CNBD1: variants seen among roughly 807,000 people sequenced by gnomAD.
The protein encoded by CNBD1 is cyclic nucleotide-binding domain-containing protein 1.
Under a neutral mutation model 54.4 loss-of-function variants are expected in CNBD1, and 71 were observed. That is an observed-to-expected ratio of 1.30 (90% CI 1.08 to 1.59). The LOEUF (loss-of-function observed/expected upper bound fraction) is 1.59. Ranked by LOEUF, CNBD1 falls within the 40% of genes most tolerant of loss-of-function variation. The pLI, the probability that CNBD1 is intolerant of heterozygous loss-of-function variation, is 0.00. For synonymous variants in CNBD1, 182 were observed against 170.7 expected, an observed-to-expected ratio of 1.07 and a Z score of -0.51; for missense variants, 659 against 518.0, an observed-to-expected ratio of 1.27 and a Z score of -2.64.
chr8:86,927,402 AG>A (rs1386193871), intron 3 of CNBD1, among the ~76,000 whole-genome samples: 3 of 152,128 alleles, frequency 2.0e-5, no homozygotes, highest in African/African-American at 7.2e-5. Context: ...TTTGTTAAAC[AG>A]GGAGAAGGTG....
In CNBD1 at chr8:87,284,693, A is replaced by G; in HGVS notation, c.787A>G (p.Thr263Ala). 6.2e-7 allele frequency: 1 copy of G among 1,603,654 alleles called. No individual in the cohort carries two copies. The highest frequency in any genetic ancestry group is 8.5e-7 in the Non-Finnish European group (1 of 1,175,786). The change falls in exon 7 of 11, where the codon ACC becomes GCC. Residue 263 changes from threonine to alanine, a missense_variant. Physicochemically the swap from Thr to Ala is moderately conservative, Grantham distance 58. Coordinates refer to ENST00000518476, the MANE Select transcript of CNBD1 (RefSeq NM_173538.3). ...SYDSMLSKWS[T>A]FGTLEVMPQN... is the part of the protein sequence containing the mutation. ...ATTTTTACAGCTTAGCAAATGGAGT[A>G]CCTTTGGGACTCTGGAAGTTATGCC... is the stretch of plus-strand genomic sequence containing the variant.
intron 2 of CNBD1, among the ~76,000 whole-genome samples, chr8:86,894,635 A>G (rs1808823900): frequency 1.3e-5 from 2 of 152,310 alleles, no homozygotes; most frequent in Non-Finnish European, 1.5e-5. Flanking sequence ...CGTGTGTTCA[A>G]TGTTACAGAA....
intron 2 of CNBD1, among the ~76,000 whole-genome samples, chr8:87,396,906 A>C: frequency 7.8e-6 from 1 of 128,712 alleles, no homozygotes; most frequent in East Asian, 2.1e-4. Context: ...TTTTTTTTTC[A>C]AGTAGTTCTT....
chr8:86,904,762 G>A (rs551678335), intron 2 of CNBD1, among the ~76,000 whole-genome samples: 1 of 151,842 alleles, frequency 6.6e-6, no homozygotes, highest in Non-Finnish European at 1.5e-5. Flanking sequence ...ATAATTTCAG[G>A]GGGATTTTAA....
At chr8:87,280,224 T>A (rs1431989657) in intron 6 of CNBD1, among the ~76,000 whole-genome samples, 1 of 151,578 alleles carries the variant, frequency 6.6e-6, no homozygotes, top group Non-Finnish European at 1.5e-5. Context: ...TTTCTTATCA[T>A]GGTTTGGTTT....
At chr8:86,903,201 CATCTTGGAA>C (rs1269623565) in intron 2 of CNBD1, among the ~76,000 whole-genome samples, 4 of 152,060 alleles carry the variant, frequency 2.6e-5, no homozygotes, top group Admixed American at 2.6e-4. Flanking sequence ...TTACCCACCA[CATCTTGGAA>C]ATTCTTGAGA....
chr8:87,106,520 T>A (rs752594609), intron 4 of CNBD1, among the ~76,000 whole-genome samples: 1 of 152,202 alleles, frequency 6.6e-6, no homozygotes, highest in Non-Finnish European at 1.5e-5. Flanking sequence ...CAATATTCGA[T>A]GTTTCTATAG....
intron 10 of CNBD1, among the ~76,000 whole-genome samples, chr8:87,371,250 T>G (rs1426257306): frequency 2.0e-5 from 3 of 151,990 alleles, no homozygotes; most frequent in Non-Finnish European, 2.9e-5. Flanking sequence ...AGTAGTTTTT[T>G]CCATTTCTGT....
chr8:87,310,426 G>T (rs1296712281), intron 8 of CNBD1, among the ~76,000 whole-genome samples: 1 of 152,032 alleles, frequency 6.6e-6, no homozygotes, highest in Admixed American at 6.6e-5. Flanking sequence ...AACCAAGGAG[G>T]TGAAAGAAAG....
At chr8:87,090,567 T>G (rs1811184662) in intron 4 of CNBD1, among the ~76,000 whole-genome samples, 1 of 152,214 alleles carries the variant, frequency 6.6e-6, no homozygotes, top group African/African-American at 2.4e-5. Flanking sequence ...AAAATTAATT[T>G]TAGTAGAAGA....
chr8:87,423,856 A>AT (rs1563596966), intron 2 of CNBD1, among the ~76,000 whole-genome samples: 1 of 152,224 alleles, frequency 6.6e-6, no homozygotes, highest in Non-Finnish European at 1.5e-5. Context: ...GAATGGTACC[A>AT]GTTCCTCCTT....
At chr8:87,022,019 T>TA (rs1161566363) in intron 4 of CNBD1, among the ~76,000 whole-genome samples, 1 of 152,218 alleles carries the variant, frequency 6.6e-6, no homozygotes, top group Non-Finnish European at 1.5e-5. Context: ...TTTGTGCATG[T>TA]AAATAGCATA....
chr8:87,303,083 T>A (rs1809047551), intron 8 of CNBD1, among the ~76,000 whole-genome samples: 1 of 152,014 alleles, frequency 6.6e-6, no homozygotes, highest in Non-Finnish European at 1.5e-5. Flanking sequence ...ATAGATTCAA[T>A]GCTATCCCCA....
At chr8:87,404,901 G>C (rs1312960220) in intron 2 of CNBD1, among the ~76,000 whole-genome samples, 1 of 151,930 alleles carries the variant, frequency 6.6e-6, no homozygotes, top group African/African-American at 2.4e-5. Flanking sequence ...CTTTGCTTCT[G>C]TATATATATT....
At chr8:87,426,338 C>T (rs1808050367) in intron 2 of CNBD1, among the ~76,000 whole-genome samples, 1 of 152,166 alleles carries the variant, frequency 6.6e-6, no homozygotes, top group Non-Finnish European at 1.5e-5. Flanking sequence ...CATCTTGGCT[C>T]TTCCCTGTTT....
At chr8:86,884,148 T>C (rs1307900237) in intron 1 of CNBD1, among the ~76,000 whole-genome samples, 4 of 149,974 alleles carry the variant, frequency 2.7e-5, no homozygotes, top group Admixed American at 2.7e-4. Context: ...CGAGACTCCG[T>C]CTCAAAACAA....
chr8:87,411,868 G>C (rs1807752028), intron 2 of CNBD1, among the ~76,000 whole-genome samples: 1 of 151,790 alleles, frequency 6.6e-6, no homozygotes, highest in Non-Finnish European at 1.5e-5. Context: ...ACCATGAAGG[G>C]AATAGAAACC....
intron 4 of CNBD1, among the ~76,000 whole-genome samples, chr8:86,961,268 C>G (rs1238120208): frequency 6.6e-6 from 1 of 152,138 alleles, no homozygotes; most frequent in South Asian, 2.1e-4. Flanking sequence ...CCAATGAAGG[C>G]TGTGAACCAA....
chr8:87,362,974 A>C (rs1355540342), intron 10 of CNBD1, among the ~76,000 whole-genome samples: 1 of 151,968 alleles, frequency 6.6e-6, no homozygotes. Context: ...CATCTATATT[A>C]GGTATTTCTC....
Sources: gnomAD v4.1 joint callset for allele counts (sites outside exome capture counted in the v4.1 genomes callset) on GRCh38, gnomAD v4.1.1 for gene constraint, MANE v1.5 for transcripts, NCBI Gene and HGNC (gene_info 2026-07-23, HGNC 2026-07-21) for gene names.